TEX11: variants seen among roughly 807,000 people sequenced by gnomAD.
TEX11 encodes the protein testis-expressed protein 11.
In TEX11, 7 loss-of-function variants were observed where a neutral mutation model predicts 84.4. The ratio of observed to expected loss-of-function variants is 0.08; its 90% CI spans 0.05 to 0.16. The LOEUF (loss-of-function observed/expected upper bound fraction) is 0.16, where lower values mean the gene tolerates loss of function less well. Ranked by LOEUF, TEX11 falls within the 10% of genes least tolerant of loss-of-function variation. The pLI is 1.00. For synonymous variants in TEX11, 264 were observed against 222.8 expected, an observed-to-expected ratio of 1.18 and a Z score of -1.64; for missense variants, 551 against 660.5, an observed-to-expected ratio of 0.83 and a Z score of 1.82.
chrX:70,670,261 G>A, intron 16 of TEX11, 116 bp downstream of exon 16: 1 of 799,195 alleles, frequency 1.3e-6, no homozygotes. Flanking sequence ...TGTTCTATAT[G>A]AGGGAACTCT....
At chrX:70,848,955 G>A in intron 7 of TEX11, among the ~76,000 whole-genome samples, 1 of 111,867 alleles carries the variant, frequency 8.9e-6, no homozygotes, top group East Asian at 2.8e-4. Context: ...AAGAGGCATT[G>A]CCAGTAACCA....
intron 9 of TEX11, among the ~76,000 whole-genome samples, chrX:70,769,963 T>C (rs2090962629): frequency 8.9e-6 from 1 of 111,935 alleles, no homozygotes. Flanking sequence ...ATTTCTTCTG[T>C]TATCCTCATT....
chrX:70,875,900 T>C (rs987246539), intron 3 of TEX11, among the ~76,000 whole-genome samples: 2 of 111,967 alleles, frequency 1.8e-5, no homozygotes, highest in Non-Finnish European at 3.8e-5. Flanking sequence ...CATATGCAAA[T>C]CTTACCCCAA....
At chrX:70,594,037 G>A (rs1245850579) in intron 24 of TEX11, among the ~76,000 whole-genome samples, 1 of 111,173 alleles carries the variant, frequency 9.0e-6, no homozygotes, top group African/African-American at 3.3e-5. Context: ...AAAAACTCTA[G>A]GTGGGATCAA....
intron 2 of TEX11, among the ~76,000 whole-genome samples, chrX:70,898,751 G>T (rs749498219): frequency 1.5e-3 from 162 of 110,235 alleles, no homozygotes; most frequent in Non-Finnish European, 2.2e-3. Flanking sequence ...GACTACAGGT[G>T]CCCGCCAGCA....
At chrX:70,662,989 T>C (rs1486186120) in intron 16 of TEX11, among the ~76,000 whole-genome samples, 7 of 111,803 alleles carry the variant, frequency 6.3e-5, no homozygotes, top group Non-Finnish European at 1.3e-4. Context: ...GAATGCATTT[T>C]TGTATGTAAA....
chrX:70,864,679 T>C (rs1375720234), intron 4 of TEX11, among the ~76,000 whole-genome samples: 3 of 103,028 alleles, frequency 2.9e-5, no homozygotes, highest in African/African-American at 7.1e-5. Context: ...GAGGCAGGGG[T>C]TGCAGTGAGC....
intron 9 of TEX11, among the ~76,000 whole-genome samples, chrX:70,750,931 A>ATATAGATATAT (rs1330223404): frequency 4.5e-5 from 1 of 21,993 alleles, no homozygotes; most frequent in Non-Finnish European, 9.1e-5. Context: ...TAAAAAAAAA[A>ATATAGATATAT]AAATATATAT....
At chrX:70,644,810 A>G (rs1254844635) in intron 17 of TEX11, among the ~76,000 whole-genome samples, 1 of 97,492 alleles carries the variant, frequency 1.0e-5, no homozygotes, top group African/African-American at 3.7e-5. Flanking sequence ...ATTGGGAGAT[A>G]TACCTAATGC....
At chrX:70,779,652 C>G (rs1041425650) in intron 9 of TEX11, among the ~76,000 whole-genome samples, 3 of 109,843 alleles carry the variant, frequency 2.7e-5, no homozygotes, top group Non-Finnish European at 5.7e-5. Context: ...AAGCATTTAG[C>G]AAAACCAAGA....
chrX:70,696,522 A>G (rs1016649101), intron 13 of TEX11, among the ~76,000 whole-genome samples: 3 of 111,768 alleles, frequency 2.7e-5, no homozygotes, highest in African/African-American at 9.8e-5. Flanking sequence ...AATTCTAACA[A>G]TTTGGGAGGC....
intron 7 of TEX11, among the ~76,000 whole-genome samples, chrX:70,844,216 G>T (rs1456272629): frequency 9.1e-6 from 1 of 110,163 alleles, no homozygotes; most frequent in Non-Finnish European, 1.9e-5. Flanking sequence ...CAACCTAAAT[G>T]TCCAATAACG....
chrX:70,516,041 G>A, the TEX11 span, among the ~76,000 whole-genome samples: 2 of 111,906 alleles, frequency 1.8e-5, no homozygotes, highest in African/African-American at 6.5e-5. Context: ...AGAAGAGTAG[G>A]TTGCGAAAAT....
At chrX:70,839,358 C>T (rs1445718173) in intron 7 of TEX11, among the ~76,000 whole-genome samples, 1 of 111,995 alleles carries the variant, frequency 8.9e-6, no homozygotes, top group East Asian at 2.8e-4. Context: ...GCAGCCACCA[C>T]TGCTGATACC....
At chrX:70,683,458 C>T (rs1435696028) in intron 13 of TEX11, among the ~76,000 whole-genome samples, 2 of 111,164 alleles carry the variant, frequency 1.8e-5, no homozygotes, top group Non-Finnish European at 3.8e-5. Context: ...TGGCAAAAGC[C>T]TGTCTCTACA....
At chrX:70,515,348 C>T in the TEX11 span, among the ~76,000 whole-genome samples, 2 of 106,898 alleles carry the variant, frequency 1.9e-5, no homozygotes, top group Non-Finnish European at 3.9e-5. Flanking sequence ...TCAGTTCCCA[C>T]CTATGAGTGA....
chrX:70,824,014 C>T (rs6624505), intron 8 of TEX11, among the ~76,000 whole-genome samples: 29,278 of 110,340 alleles, frequency 0.27, 3,266 homozygotes, highest in East Asian at 0.42. Flanking sequence ...AGTGAGATTC[C>T]ATCTCAAAAA....
At chrX:70,520,032 GT>G in the TEX11 span, among the ~76,000 whole-genome samples, 1 of 111,345 alleles carries the variant, frequency 9.0e-6, no homozygotes, top group African/African-American at 3.3e-5. Flanking sequence ...TTGTTTCAAG[GT>G]TTTTAGCTTC....
At chrX:70,875,301 T>G (rs2091650146) in intron 3 of TEX11, among the ~76,000 whole-genome samples, 1 of 111,026 alleles carries the variant, frequency 9.0e-6, no homozygotes, top group African/African-American at 3.3e-5. Context: ...GGGGATAATC[T>G]TTGCACTTAA....
Sources: gnomAD v4.1 joint callset for allele counts (sites outside exome capture counted in the v4.1 genomes callset) on GRCh38, gnomAD v4.1.1 for gene constraint, MANE v1.5 for transcripts, NCBI Gene and HGNC (gene_info 2026-07-23, HGNC 2026-07-21) for gene names.